Variants in NRG1 observed in about 807,000 individuals in gnomAD.
NRG1 encodes the protein pro-neuregulin-1, membrane-bound isoform.
In NRG1, 18 loss-of-function variants were observed where a neutral mutation model predicts 63.8. The ratio of observed to expected loss-of-function variants is 0.28; its 90% CI spans 0.19 to 0.42. The LOEUF is 0.42. Among genes scored for constraint, NRG1 ranks in the 10% least tolerant of loss-of-function variants. The pLI, the probability that NRG1 is intolerant of heterozygous loss-of-function variation, is 1.00. For synonymous variants in NRG1, 302 were observed against 301.3 expected (o/e 1.00, Z -0.02); for missense variants, 762 against 814.7 (o/e 0.94, Z 0.79).
In NRG1 at chr8:32,551,789, C is replaced by T. The variant is rs939040207; in HGVS notation, c.100+2963C>T. ...TCTTGGGTGCTGTATCACTGATCCA[C>T]GTACCAAGAGCCCTGTAACAGCCTG... On this transcript the variant is annotated intron_variant, in intron 1 of 11. Transcript: ENST00000356819. Among the ~76,000 whole-genome samples, 8 of 152,196 alleles carry T rather than the reference C, an allele frequency of 5.3e-5. No individual in the cohort carries two copies. The South Asian group carries it at 1.2e-3, about 24-fold the overall frequency.
chr8:31,640,650 C>G lies in NRG1; in HGVS notation c.37+1219C>G, dbSNP rs756423807. On this transcript the variant is annotated intron_variant, in intron 1 of 10. Coordinates refer to the NRG1 transcript ENST00000519301. The surrounding 1 kb of genome is among the most constrained non-coding windows in gnomAD (Gnocchi z 6.3). ...ACAGCACCAGCCGCGCGCCGGCCGC[C>G]TTCCGAGCCTCTTTCCCCCCTCTGG... 7 of 1,608,624 alleles carry G rather than the reference C, an allele frequency of 4.4e-6. No individual in the cohort carries two copies. The South Asian group carries it at 6.6e-5, about 15-fold the overall frequency.
intron 1 of NRG1, among the ~76,000 whole-genome samples, chr8:31,881,409 A>G (rs543017063): frequency 6.6e-6 from 1 of 152,274 alleles, no homozygotes; most frequent in East Asian, 1.9e-4. Flanking sequence ...TGCTACACCA[A>G]CCAGCTGTTC....
chr8:32,610,088 A>G (rs143987455), intron 3 of NRG1, among the ~76,000 whole-genome samples: 31 of 152,172 alleles, frequency 2.0e-4, no homozygotes, highest in African/African-American at 6.5e-4. Flanking sequence ...TATATTTTCT[A>G]TGAACTATCA....
intron 1 of NRG1, among the ~76,000 whole-genome samples, chr8:32,257,975 G>A (rs549416076): frequency 6.6e-6 from 1 of 152,328 alleles, no homozygotes; most frequent in African/African-American, 2.4e-5. Flanking sequence ...TGATTCAAAA[G>A]ACTGATTTAA....
At chr8:32,574,668 G>A (rs930604315) in intron 1 of NRG1, among the ~76,000 whole-genome samples, 4 of 152,090 alleles carry the variant, frequency 2.6e-5, no homozygotes, top group Admixed American at 1.3e-4. Flanking sequence ...TTTGCCTTCC[G>A]TCATGATTGA....
chr8:32,340,230 C>T (rs540176762), intron 1 of NRG1, among the ~76,000 whole-genome samples: 1 of 152,154 alleles, frequency 6.6e-6, no homozygotes, highest in African/African-American at 2.4e-5. Flanking sequence ...AAACAATATG[C>T]ATGTATGCAT....
intron 1 of NRG1, among the ~76,000 whole-genome samples, chr8:32,052,424 T>C (rs537318557): frequency 4.6e-5 from 7 of 151,988 alleles, no homozygotes; most frequent in African/African-American, 1.7e-4. Flanking sequence ...TACAGGCATG[T>C]GCCACCATGC....
chr8:32,722,969 A>G (rs1821015829), intron 5 of NRG1, among the ~76,000 whole-genome samples: 1 of 152,220 alleles, frequency 6.6e-6, no homozygotes, highest in Non-Finnish European at 1.5e-5. Context: ...TTGCAGAAGA[A>G]TAATTTCCTA....
chr8:32,424,134 C>T (rs1457607739), intron 1 of NRG1, among the ~76,000 whole-genome samples: 1 of 152,148 alleles, frequency 6.6e-6, no homozygotes, highest in Non-Finnish European at 1.5e-5. Flanking sequence ...ACTCGGGTTT[C>T]TCAAACTCTT....
intron 1 of NRG1, among the ~76,000 whole-genome samples, chr8:32,309,842 G>A (rs1165371308): frequency 6.6e-6 from 1 of 152,166 alleles, no homozygotes; most frequent in East Asian, 1.9e-4. Context: ...TCCCACCTCT[G>A]TGACACTCTT....
chr8:32,028,950 G>A (rs1817867216), intron 1 of NRG1, among the ~76,000 whole-genome samples: 1 of 152,024 alleles, frequency 6.6e-6, no homozygotes, highest in Admixed American at 6.6e-5. Flanking sequence ...TTTGTAGCAG[G>A]ATTCATAATT....
chr8:31,652,061 C>T (rs2130885285), intron 1 of NRG1, among the ~76,000 whole-genome samples: 1 of 152,288 alleles, frequency 6.6e-6, no homozygotes, highest in South Asian at 2.1e-4. Flanking sequence ...AGTATGATCA[C>T]CACAGTTATT....
intron 1 of NRG1, among the ~76,000 whole-genome samples, chr8:32,504,321 T>C (rs2129497687): frequency 6.6e-6 from 1 of 152,350 alleles, no homozygotes; most frequent in East Asian, 1.9e-4. Flanking sequence ...TGCTCATGTC[T>C]GACTAGCTAC....
At chr8:32,446,127 C>T (rs6994625) in intron 1 of NRG1, among the ~76,000 whole-genome samples, 47,204 of 152,068 alleles carry the variant, frequency 0.31, 7,577 homozygotes, top group South Asian at 0.35. Context: ...ATATAGAGCA[C>T]TATTGGTGTC....
At chr8:32,555,632 C>T (rs1218852739) in intron 1 of NRG1, among the ~76,000 whole-genome samples, 5 of 152,096 alleles carry the variant, frequency 3.3e-5, no homozygotes, top group East Asian at 3.9e-4. Flanking sequence ...CCACCACGCC[C>T]GGCTGATTTT....
At chr8:32,575,100 AT>A (rs1458305418) in intron 1 of NRG1, among the ~76,000 whole-genome samples, 3 of 152,150 alleles carry the variant, frequency 2.0e-5, no homozygotes, top group Non-Finnish European at 1.5e-5. Flanking sequence ...CTCCCTAGGA[AT>A]ACCTCTTCTT....
intron 7 of NRG1, among the ~76,000 whole-genome samples, chr8:32,743,561 C>A (rs1826828147): frequency 1.1e-4 from 7 of 64,720 alleles, no homozygotes; most frequent in Admixed American, 4.0e-4. Flanking sequence ...ATATATAAAA[C>A]TTAAGGCAAA....
At chr8:32,749,459 C>A in intron 7 of NRG1, 1 of 1,168,462 alleles carries the variant, frequency 8.6e-7, no homozygotes, top group South Asian at 1.2e-5. Flanking sequence ...GCACAGAGAG[C>A]CATAATAGTC....
At chr8:32,762,024 G>A (rs1426448993) in intron 11 of NRG1, among the ~76,000 whole-genome samples, 1 of 102,124 alleles carries the variant, frequency 9.8e-6, no homozygotes, top group South Asian at 3.9e-4. Context: ...AGGCAACAGA[G>A]CAAGACTCCG....
Sources: gnomAD v4.1 joint callset for allele counts (sites outside exome capture counted in the v4.1 genomes callset) on GRCh38, gnomAD v4.1.1 for gene constraint, Gnocchi (gnomAD v3.1) non-coding constraint, MANE v1.5 for transcripts, NCBI Gene and HGNC (gene_info 2026-07-23, HGNC 2026-07-21) for gene names.